YTHDF2: variants seen among roughly 807,000 people sequenced by gnomAD.
The protein encoded by YTHDF2 is YTH N6-methyladenosine RNA binding protein F2.
In YTHDF2, 2 loss-of-function variants were observed where a neutral mutation model predicts 50.4. The observed-to-expected ratio is 0.04, with a 90% CI of 0.02 to 0.12. The LOEUF (loss-of-function observed/expected upper bound fraction) is 0.12. YTHDF2 is among the 10% of genes least tolerant of loss of function. The probability of loss-of-function intolerance (pLI) is 1.00; values close to 1 mark genes in which losing one functional copy is unlikely to be tolerated. For synonymous variants in YTHDF2, 217 were observed against 255.6 expected (o/e 0.85, Z 1.44); for missense variants, 483 against 722.6 (o/e 0.67, Z 3.80).
chr1:28,764,551 G>A (rs2088188714), intron 4 of YTHDF2, among the ~76,000 whole-genome samples: 1 of 152,150 alleles, frequency 6.6e-6, no homozygotes, highest in Non-Finnish European at 1.5e-5. Context: ...GGGATTACAG[G>A]CGTGAGCCAT....
intron 4 of YTHDF2, among the ~76,000 whole-genome samples, chr1:28,755,918 A>T (rs540938884): frequency 2.4e-4 from 36 of 152,276 alleles, no homozygotes; most frequent in African/African-American, 8.4e-4. Context: ...CAGATAGGGG[A>T]TACACAGCCT....
At chr1:28,756,269 T>C (rs2088034153) in intron 4 of YTHDF2, among the ~76,000 whole-genome samples, 1 of 152,198 alleles carries the variant, frequency 6.6e-6, no homozygotes. Flanking sequence ...GATTTTGATG[T>C]GGCTAAAGAT....
chr1:28,741,661 G>A (rs2124628417), intron 3 of YTHDF2, among the ~76,000 whole-genome samples: 1 of 152,284 alleles, frequency 6.6e-6, no homozygotes, highest in South Asian at 2.1e-4. Context: ...CTGAGTAGTG[G>A]GATCTATTGA....
At chr1:28,746,515 C>G (rs922740733) in intron 4 of YTHDF2, among the ~76,000 whole-genome samples, 1 of 150,700 alleles carries the variant, frequency 6.6e-6, no homozygotes, top group African/African-American at 2.4e-5. Context: ...AGAGGCGGGC[C>G]GATCACTTGA....
intron 4 of YTHDF2, among the ~76,000 whole-genome samples, chr1:28,744,539 A>G (rs1307391548): frequency 6.6e-6 from 1 of 152,176 alleles, no homozygotes; most frequent in Admixed American, 6.6e-5. Context: ...AATGATGAGG[A>G]ATGGATTCAA....
chr1:28,744,100 TAACA>T, intron 4 of YTHDF2, 114 bp downstream of exon 4: 1 of 989,366 alleles, frequency 1.0e-6, no homozygotes. Flanking sequence ...CAGTATCACC[TAACA>T]GTTCAAGGCT....
chr1:28,744,398 T>G (rs1435841708), intron 4 of YTHDF2, among the ~76,000 whole-genome samples: 2 of 151,832 alleles, frequency 1.3e-5, no homozygotes, highest in African/African-American at 4.8e-5. Flanking sequence ...CTAGCTGGGG[T>G]TTTGTGGTTA....
intron 4 of YTHDF2, among the ~76,000 whole-genome samples, chr1:28,754,669 C>G (rs1332328829): frequency 6.6e-6 from 1 of 151,890 alleles, no homozygotes; most frequent in East Asian, 1.9e-4. Context: ...AAAAAATTAG[C>G]TGGGCGTGGT....
chr1:28,738,746 C>G (rs1245752747), intron 3 of YTHDF2, among the ~76,000 whole-genome samples: 4 of 152,184 alleles, frequency 2.6e-5, no homozygotes, highest in Non-Finnish European at 5.9e-5. Context: ...GCCGAGGATT[C>G]ACTTTCTTAA....
chr1:28,747,891 T>A (rs1001090456), intron 4 of YTHDF2, among the ~76,000 whole-genome samples: 1 of 151,130 alleles, frequency 6.6e-6, no homozygotes, highest in Non-Finnish European at 1.5e-5. Context: ...TTTGGGAGGC[T>A]GAGGCGGGCA....
intron 4 of YTHDF2, among the ~76,000 whole-genome samples, chr1:28,767,012 T>A (rs957053037): frequency 6.6e-6 from 1 of 151,264 alleles, no homozygotes; most frequent in Non-Finnish European, 1.5e-5. Flanking sequence ...AAGATTTTTT[T>A]TTTTTTTTTT....
In YTHDF2 at chr1:28,738,789, A is replaced by G. The variant is rs564861068; in HGVS notation, c.132+451A>G. ...ATTTTTTCTCTGCCCTCTATCAGGA[A>G]ATCCCATGTTCTGAGGGTTCACCTC... On this transcript the variant is annotated intron_variant, in intron 3 of 4. Coordinates refer to ENST00000373812, the MANE Select transcript of YTHDF2 (RefSeq NM_016258.3). Among the ~76,000 whole-genome samples, 18 of 152,318 alleles carry G rather than the reference A, an allele frequency of 1.2e-4. No individual in the cohort carries two copies. The South Asian group carries it at 3.7e-3, about 32-fold the overall frequency.
intron 4 of YTHDF2, among the ~76,000 whole-genome samples, chr1:28,749,976 A>G (rs1186773667): frequency 1.4e-5 from 2 of 140,432 alleles, no homozygotes; most frequent in African/African-American, 2.6e-5. Context: ...AATTTTTGAA[A>G]AAAAAGGTTG....
chr1:28,743,884 G>T lies in YTHDF2; in HGVS notation c.1614G>T (p.Lys538Asn). 1 of 1,611,558 alleles carries T rather than the reference G, an allele frequency of 6.2e-7. No individual in the cohort carries two copies. Among genetic ancestry groups the T allele is most frequent in the Non-Finnish European group, 8.5e-7 (1 of 1,179,186 alleles). Residue 538 changes from lysine to asparagine, a missense_variant, in exon 4 of 5, where the codon AAG (lysine) becomes AAT (asparagine). Around this residue, in one of 4 missense-constraint regions of YTHDF2, gnomAD observed 38 missense variants for 60.1 expected, o/e 0.63. Transcript: ENST00000373812. This position sits in a 1 kb window ranked among gnomAD's most constrained non-coding sequence, Gnocchi z 6.9. ...AGGAAGTGCCTCTGGAAAAGGCTAA[G>T]CAGGTGTTGAAAATTATAGCCAGCT... The part of the protein sequence containing the change: ...DTQEVPLEKA[K>N]QVLKIIASYK...
Position 28,743,365 on chromosome 1 carries a change from G to T in YTHDF2, c.1095G>T (p.Gly365=). The T allele has an allele frequency of 6.2e-7, 1 of 1,614,138 alleles. No individual in the cohort carries two copies. Among genetic ancestry groups the T allele is most frequent in the African/African-American group, 1.3e-5 (1 of 75,028 alleles). The change falls in exon 4 of 5, where the codon GGG becomes GGT. Residue 365 remains glycine, a synonymous_variant. Coordinates refer to ENST00000373812, the MANE Select transcript of YTHDF2 (RefSeq NM_016258.3). This position sits in a 1 kb window ranked among gnomAD's most constrained non-coding sequence, Gnocchi z 6.9. ...GTGGCAGTGGGTTCGGTCATAATGG[G>T]GTGGATGGTAATGGAGTAGGACAGT... ...RNRGSGFGHN[G]VDGNGVGQSQ...
intron 3 of YTHDF2, 117 bp from the exon 4 acceptor site, chr1:28,742,286 C>G (rs574030000): frequency 6.7e-6 from 9 of 1,338,248 alleles, no homozygotes; most frequent in African/African-American, 5.9e-5. Context: ...TGAGCCACCG[C>G]GTCCGGCCTG....
intron 4 of YTHDF2, 33 bp from the exon 5 acceptor site, chr1:28,768,896 T>G: frequency 6.4e-7 from 1 of 1,567,728 alleles, no homozygotes; most frequent in Non-Finnish European, 8.7e-7. Context: ...CAGATAATTT[T>G]TAACCATTTC....
At chr1:28,756,807 C>T (rs1399057895) in intron 4 of YTHDF2, among the ~76,000 whole-genome samples, 1 of 150,334 alleles carries the variant, frequency 6.7e-6, no homozygotes, top group African/African-American at 2.5e-5. Flanking sequence ...GCCTGCCTGC[C>T]TGCCTTTAAG....
chr1:28,755,508 A>G (rs1412622425), intron 4 of YTHDF2, among the ~76,000 whole-genome samples: 1 of 152,148 alleles, frequency 6.6e-6, no homozygotes, highest in Non-Finnish European at 1.5e-5. Flanking sequence ...GAAAAGAGTA[A>G]ATAACTTTGC....
Sources: gnomAD v4.1 joint callset for allele counts (sites outside exome capture counted in the v4.1 genomes callset) on GRCh38, gnomAD v4.1.1 for gene constraint, gnomAD v4.1.1 regional missense constraint, Gnocchi (gnomAD v3.1) non-coding constraint, MANE v1.5 for transcripts, NCBI Gene and HGNC (gene_info 2026-07-23, HGNC 2026-07-21) for gene names.